Variants in PLEKHA5 observed in about 807,000 individuals in gnomAD.
PLEKHA5 encodes pleckstrin homology domain containing A5.
PLEKHA5 carries 55 observed loss-of-function variants against 181.9 expected under a neutral mutation model. That is an observed-to-expected ratio of 0.30 (90% confidence interval 0.24 to 0.38). The LOEUF is 0.38. PLEKHA5 is among the 10% of genes least tolerant of loss of function. The pLI, the probability that PLEKHA5 is intolerant of heterozygous loss-of-function variation, is 1.00. For synonymous variants in PLEKHA5, 535 were observed against 529.4 expected (o/e 1.01, Z -0.15); for missense variants, 1,432 against 1,549.5 (o/e 0.92, Z 1.27).
intron 20 of PLEKHA5, among the ~76,000 whole-genome samples, chr12:19,323,589 G>T (rs2091421860): frequency 1.3e-5 from 2 of 152,052 alleles, no homozygotes; most frequent in African/African-American, 2.4e-5. Context: ...GGCCGAGGCA[G>T]GTGGATCACT....
chr12:19,292,624 T>TGAGGTGAATGTTCA (rs2078737398), intron 15 of PLEKHA5, among the ~76,000 whole-genome samples: 1 of 151,878 alleles, frequency 6.6e-6, no homozygotes, highest in Admixed American at 6.6e-5. Flanking sequence ...TGTGCCTGGT[T>TGAGGTGAATGTTCA]GAGGTGAATG....
intron 3 of PLEKHA5, among the ~76,000 whole-genome samples, chr12:19,149,151 T>C (rs984159623): frequency 3.9e-5 from 6 of 152,178 alleles, no homozygotes; most frequent in African/African-American, 1.4e-4. Flanking sequence ...ACAATTAATA[T>C]ATTATCAGAG....
intron 9 of PLEKHA5, 34 bp downstream of exon 9, chr12:19,269,919 C>T (rs934088608): frequency 6.2e-6 from 7 of 1,122,760 alleles, no homozygotes; most frequent in Admixed American, 1.7e-5. Context: ...TGGTGATTTC[C>T]ACTTCCATTT....
chr12:19,365,697 T>A (rs558296837), intron 29 of PLEKHA5, among the ~76,000 whole-genome samples: 1 of 152,306 alleles, frequency 6.6e-6, no homozygotes, highest in East Asian at 1.9e-4. Flanking sequence ...ATATCATATG[T>A]AGAATCTGCT....
chr12:19,295,278 C>T (rs921696152), intron 15 of PLEKHA5, among the ~76,000 whole-genome samples: 2 of 152,178 alleles, frequency 1.3e-5, no homozygotes, highest in Non-Finnish European at 2.9e-5. Context: ...TTAAGTGAAA[C>T]TTGCCAGCTT....
At chr12:19,136,737 G>A (rs922056269) in intron 3 of PLEKHA5, among the ~76,000 whole-genome samples, 1 of 152,074 alleles carries the variant, frequency 6.6e-6, no homozygotes, top group Non-Finnish European at 1.5e-5. Context: ...AAAATAGTAT[G>A]CAAATTTTTT....
intron 3 of PLEKHA5, among the ~76,000 whole-genome samples, chr12:19,205,041 C>G (rs2055090908): frequency 6.6e-6 from 1 of 151,990 alleles, no homozygotes. Context: ...AACCTAAGGA[C>G]TTGTTATTTA....
Position 19,257,546 on chromosome 12 carries a change from T to G in PLEKHA5, c.537+9T>G. 3 of 1,397,852 alleles carry G rather than the reference T, an allele frequency of 2.1e-6. No individual in the cohort carries two copies. The highest frequency in any genetic ancestry group is 3.0e-6 in the Non-Finnish European group (3 of 995,466). The allele number at this position is 1,397,852 out of a possible 1,614,324, so 86.6% of individuals were successfully genotyped here. The stretch of plus-strand genomic sequence containing the variant: ...GTTGGCTTTATAAACAGGTATTTTT[T>G]TTTTTTTGATATGAAACAAAAGACA... On this transcript the variant is annotated intron_variant, in intron 6 of 31. Transcript: ENST00000429027.
At chr12:19,146,404 AG>A (rs2038924794) in intron 3 of PLEKHA5, among the ~76,000 whole-genome samples, 1 of 152,176 alleles carries the variant, frequency 6.6e-6, no homozygotes, top group Admixed American at 6.5e-5. Flanking sequence ...GATTTATGTT[AG>A]GTATTTATTT....
rs1172565254 is a variant in PLEKHA5, at chr12:19,361,472, C to T, written c.3484-110C>T. The T allele has an allele frequency of 6.2e-6, 4 of 643,438 alleles. No homozygotes were observed. In the East Asian group the frequency reaches 8.7e-5, roughly 14 times the overall value. 39.9% of individuals were successfully genotyped at this position (643,438 alleles called of 1,614,324 possible). A position where few individuals can be genotyped will look rare whatever the true frequency, so the allele number is the denominator to read the frequency against. The stretch of plus-strand genomic sequence containing the variant: ...TGCTGGGATTACAGGCGTGAGCCAT[C>T]ACGCCCGACCGTGATTGTTCAATAA... On this transcript the variant is annotated intron_variant, in intron 28 of 31. Transcript: ENST00000429027.
chr12:19,264,605 A>G (rs1391302084), intron 7 of PLEKHA5, among the ~76,000 whole-genome samples: 1 of 152,200 alleles, frequency 6.6e-6, no homozygotes, highest in Non-Finnish European at 1.5e-5. Context: ...CGCATTAACG[A>G]ATCGTACCTG....
At chr12:19,325,120 G>A (rs1283168357) in intron 20 of PLEKHA5, among the ~76,000 whole-genome samples, 1 of 152,238 alleles carries the variant, frequency 6.6e-6, no homozygotes, top group Non-Finnish European at 1.5e-5. Flanking sequence ...TGCCAGGAGT[G>A]CTGGCTCACG....
intron 7 of PLEKHA5, among the ~76,000 whole-genome samples, chr12:19,263,558 A>G (rs867420130): frequency 2.0e-5 from 3 of 152,246 alleles, no homozygotes; most frequent in Non-Finnish European, 2.9e-5. Flanking sequence ...AGATCAGTCC[A>G]TGTTTTACAG....
At chr12:19,150,559 T>A (rs2040143350) in intron 3 of PLEKHA5, 1 of 152,286 alleles carries the variant, frequency 6.6e-6, no homozygotes, top group African/African-American at 2.4e-5. Context: ...CCTCTGACCC[T>A]CTTTGCTGCT....
chr12:19,286,827 G>T (rs377730108), intron 12 of PLEKHA5, among the ~76,000 whole-genome samples: 2 of 151,832 alleles, frequency 1.3e-5, no homozygotes, highest in Non-Finnish European at 1.5e-5. Flanking sequence ...TTAGTCAGAC[G>T]TGGTGGCATG....
chr12:19,349,331 G>T (rs1054505280), intron 25 of PLEKHA5, among the ~76,000 whole-genome samples: 22 of 152,034 alleles, frequency 1.4e-4, no homozygotes, highest in Non-Finnish European at 2.5e-4. Context: ...GCCTAAGCTG[G>T]TCTTGAACTC....
At position 19,196,041 on chromosome 12, in the gene PLEKHA5, A is replaced by G. The variant is rs542713814; in HGVS notation, c.228-57899A>G. Among the ~76,000 whole-genome samples, 121 of 152,226 alleles carry G rather than the reference A, an allele frequency of 7.9e-4. 1 individual carries two copies. The highest frequency in any genetic ancestry group is 2.6e-3 in the African/African-American group (109 of 41,550). ...GATGATTGAAGTGTATCTAGTTTCAATTTTCAAAAAGCAATAGTTATGTTT... is the reference window on the plus strand; with the variant it reads ...GATGATTGAAGTGTATCTAGTTTCAGTTTTCAAAAAGCAATAGTTATGTTT... On this transcript the variant is annotated intron_variant, in intron 3 of 31. Coordinates refer to ENST00000429027, the MANE Select transcript of PLEKHA5 (RefSeq NM_001256470.2).
chr12:19,130,185 G>T lies in PLEKHA5; in HGVS notation c.169+55G>T. 8.2e-7 allele frequency: 1 copy of T among 1,213,368 alleles called. No individual in the cohort carries two copies. Among genetic ancestry groups the T allele is most frequent in the African/African-American group, 1.6e-5 (1 of 62,810 alleles). The allele number at this position is 1,213,368 out of a possible 1,614,324, so 75.2% of individuals were successfully genotyped here. A position where few individuals can be genotyped will look rare whatever the true frequency, so the allele number is the denominator to read the frequency against. ...CCGCCTGGAGGAGGCGGCAGAGCCC[G>T]GGCCGCCCGGCTCCCCGCAACCTGC... On this transcript the variant is annotated intron_variant, in intron 2 of 31. Transcript: ENST00000429027. The surrounding 1 kb of genome is among the most constrained non-coding windows in gnomAD (Gnocchi z 4.5).
chr12:19,213,652 A>C (rs1391151311), intron 3 of PLEKHA5, among the ~76,000 whole-genome samples: 1 of 152,176 alleles, frequency 6.6e-6, no homozygotes, highest in Non-Finnish European at 1.5e-5. Flanking sequence ...TAGATTCCTT[A>C]ATGTTTGAAA....
Sources: gnomAD v4.1 joint callset for allele counts (sites outside exome capture counted in the v4.1 genomes callset) on GRCh38, gnomAD v4.1.1 for gene constraint, Gnocchi (gnomAD v3.1) non-coding constraint, MANE v1.5 for transcripts, NCBI Gene and HGNC (gene_info 2026-07-23, HGNC 2026-07-21) for gene names.